ERAP2: variants seen among roughly 807,000 people sequenced by gnomAD.
ERAP2 encodes leukocyte-derived arginine aminopeptidase.
In ERAP2, 118 loss-of-function variants were observed where a neutral mutation model predicts 111.1. That is an observed-to-expected ratio of 1.06 (90% CI 0.92 to 1.24). The LOEUF is 1.24. Among genes scored for constraint, ERAP2 ranks in the 50% most tolerant of loss-of-function variants. ERAP2 has a pLI of 0.00. For synonymous variants in ERAP2, 410 were observed against 401.2 expected (o/e 1.02, Z -0.26); for missense variants, 1,131 against 1,125.8 (o/e 1.00, Z -0.07).
intron 13 of ERAP2, 22 bp from the exon 14 acceptor site, chr5:96,908,939 T>C: frequency 1.2e-6 from 2 of 1,604,534 alleles, no homozygotes; most frequent in East Asian, 2.2e-5. Context: ...CACAAACCAC[T>C]GACATTTGTT....
chr5:96,889,817 C>A (rs953906331), intron 5 of ERAP2, among the ~76,000 whole-genome samples: 1 of 129,282 alleles, frequency 7.7e-6, no homozygotes. Context: ...ATGGATTTTC[C>A]ATTAAAAAAT....
At chr5:96,876,143 G>T (rs747389930), upstream of ERAP2, 2 of 152,568 alleles carry the variant, frequency 1.3e-5, no homozygotes, top group Non-Finnish European at 2.9e-5. Flanking sequence ...AGATTTCATA[G>T]CACTGAGGAT....
At chr5:96,912,525 T>C in intron 15 of ERAP2, 112 bp from the exon 16 acceptor site, 1 of 637,752 alleles carries the variant, frequency 1.6e-6, no homozygotes, top group Non-Finnish European at 2.6e-6. Flanking sequence ...TTTAATACAT[T>C]GAGTACTGAA....
Position 96,912,808 on chromosome 5 carries a change from ATAATT to A in ERAP2, c.2516+14_2516+18del, listed in dbSNP as rs1167078517. On this transcript the variant is annotated intron_variant, in intron 16 of 18. Transcript: ENST00000437043. ...AGGAAAAGTTACTGAAGTAAGTTCA[ATAATT>A]TAACTAAATTGTTATAAGTAAACTG... The A allele has an allele frequency of 6.3e-7, 1 of 1,582,858 alleles. No individual in the cohort carries two copies. Among genetic ancestry groups the A allele is most frequent in the Non-Finnish European group, 8.5e-7 (1 of 1,170,464 alleles).
Position 96,892,348 on chromosome 5 carries a change from C to T in ERAP2, c.1020C>T (p.Gly340=), listed in dbSNP as rs1235698166. The change falls in exon 6 of 19, where the codon GGC becomes GGT. Residue 340 remains glycine (G), a synonymous_variant. Coordinates refer to ENST00000437043, the MANE Select transcript of ERAP2 (RefSeq NM_022350.5). The part of the protein sequence containing the change: ...DFAPGAMENW[G]LITYRETSLL... ...CACCTGGAGCCATGGAAAATTGGGG[C>T]CTCATTACATATAGGGAGACGTCAC... 2 of 1,613,782 alleles carry T rather than the reference C, an allele frequency of 1.2e-6. No individual in the cohort carries two copies. The highest frequency in any genetic ancestry group is 1.7e-6 in the Non-Finnish European group (2 of 1,179,900).
At chr5:96,912,544 A>C in intron 15 of ERAP2, 93 bp from the exon 16 acceptor site, 2 of 823,310 alleles carry the variant, frequency 2.4e-6, no homozygotes, top group Non-Finnish European at 3.8e-6. Context: ...AAAGCAGTTC[A>C]GAGATTATTG....
chr5:96,886,542 C>T (rs928144444), intron 3 of ERAP2, 113 bp from the exon 4 acceptor site: 6 of 858,684 alleles, frequency 7.0e-6, no homozygotes, highest in African/African-American at 5.2e-5. Context: ...AGGAGGTCAT[C>T]GATTGTCCTT....
chr5:96,911,242 G>A (rs887289914), intron 15 of ERAP2, among the ~76,000 whole-genome samples: 26 of 152,154 alleles, frequency 1.7e-4, no homozygotes, highest in African/African-American at 5.3e-4. Flanking sequence ...AAGAGGTATG[G>A]AGACTAGTAC....
chr5:96,915,653 CTA>C, intron 17 of ERAP2, 33 bp from the exon 18 acceptor site: 1 of 1,327,200 alleles, frequency 7.5e-7, no homozygotes, highest in Non-Finnish European at 1.0e-6. Context: ...GTCAGTATTT[CTA>C]TGACTTTCTA....
At chr5:96,898,572 C>CA (rs770783071) in intron 9 of ERAP2, among the ~76,000 whole-genome samples, 5,718 of 94,392 alleles carry the variant, frequency 0.061, 255 homozygotes, top group Middle Eastern at 0.15. Flanking sequence ...TACTAAAATA[C>CA]AAAAAAAAAA....
At position 96,916,614 on chromosome 5, in the gene ERAP2, C is replaced by T. The variant is rs190247412; in HGVS notation, c.2739+845C>T. 5.6e-3 allele frequency among the ~76,000 whole-genome samples: 855 copies of T among 151,772 alleles called. 6 individuals are homozygous for T. Among genetic ancestry groups the T allele is most frequent in the South Asian group, 0.026 (126 of 4,794 alleles). ...GAGTAGCTGGGACTACAGGAGGCTGCCACCATGCCCACCTAATTTTTTTGT... is the reference window on the plus strand; with the variant it reads ...GAGTAGCTGGGACTACAGGAGGCTGTCACCATGCCCACCTAATTTTTTTGT... On this transcript the variant is annotated intron_variant, in intron 18 of 18. Coordinates refer to ENST00000437043, the MANE Select transcript of ERAP2 (RefSeq NM_022350.5).
intron 1 of ERAP2, among the ~76,000 whole-genome samples, chr5:96,878,821 G>C (rs1309893017): frequency 6.6e-6 from 1 of 152,050 alleles, no homozygotes; most frequent in South Asian, 2.1e-4. Flanking sequence ...CCAGCTACTC[G>C]GGAGGCTGAG....
intron 8 of ERAP2, 98 bp from the exon 9 acceptor site, chr5:96,896,634 C>G: frequency 7.0e-7 from 1 of 1,425,380 alleles, no homozygotes; most frequent in South Asian, 1.4e-5. Flanking sequence ...ACTTTTCAGA[C>G]ATCACACATG....
rs757064973 is a variant in ERAP2 at position 96,883,861 on chromosome 5, G to A, written c.645G>A (p.Leu215=). Reference sequence around the variant, plus strand: ...CTTTCCCTTGCTTTGATGAACCGTTGTTCAAAGCCAACTTTTCAATCAAGA... The same window carrying A: ...CTTTCCCTTGCTTTGATGAACCGTTATTCAAAGCCAACTTTTCAATCAAGA... ...RMAFPCFDEP[L]FKANFSIKIR... The change falls in exon 3 of 19, where the codon TTG becomes TTA. Residue 215 remains leucine, a synonymous_variant. Coordinates refer to ENST00000437043, the MANE Select transcript of ERAP2 (RefSeq NM_022350.5). The A allele has an allele frequency of 1.1e-5, 18 of 1,613,842 alleles. No homozygotes were observed. The South Asian group carries it at 2.0e-4, about 18-fold the overall frequency.
chr5:96,896,412 A>C lies in ERAP2; in HGVS notation c.1279A>C (p.Lys427Gln), dbSNP rs141895686. The C allele has an allele frequency of 1.1e-5, 17 of 1,612,628 alleles. 1 individual carries two copies. The African/African-American group carries it at 2.1e-4, about 20-fold the overall frequency. Residue 427 changes from lysine to glutamine, a missense_variant, in exon 8 of 19, where the codon AAA becomes CAA. Physicochemically the swap from Lys to Gln is moderately conservative, Grantham distance 53. Coordinates refer to ENST00000437043, the MANE Select transcript of ERAP2 (RefSeq NM_022350.5). ...GAATGTGTGTTTTGAAGTAATTACAAAAGATTCATTGAATTCATCCCGCCC... is the reference window on the plus strand; with the variant it reads ...GAATGTGTGTTTTGAAGTAATTACACAAGATTCATTGAATTCATCCCGCCC... The part of the protein sequence containing the change: ...FLNVCFEVIT[K>Q]DSLNSSRPIS...
At chr5:96,878,821 G>A (rs1309893017) in intron 1 of ERAP2, among the ~76,000 whole-genome samples, 4 of 152,044 alleles carry the variant, frequency 2.6e-5, no homozygotes, top group Non-Finnish European at 5.9e-5. Context: ...CCAGCTACTC[G>A]GGAGGCTGAG....
At chr5:96,897,403 T>A (rs1297173707) in intron 9 of ERAP2, among the ~76,000 whole-genome samples, 1 of 152,238 alleles carries the variant, frequency 6.6e-6, no homozygotes, top group Non-Finnish European at 1.5e-5. Flanking sequence ...CCTTACAGAC[T>A]GTTCCAGCCC....
chr5:96,896,368 T>C lies in ERAP2; in HGVS notation c.1240-5T>C. 1 of 1,606,436 alleles carries C rather than the reference T, an allele frequency of 6.2e-7. No individual in the cohort carries two copies. Among genetic ancestry groups the C allele is most frequent in the Non-Finnish European group, 8.5e-7 (1 of 1,174,276 alleles). On this transcript the variant is annotated splice_region_variant and splice_polypyrimidine_tract_variant and intron_variant, in intron 7 of 18. Transcript: ENST00000437043. ...CTAAAACTAAACATTTTTCTCCCTG[T>C]TTAGGATGACTATTTTTTGAATGTG...
rs386358295 is a variant in ERAP2 at position 96,911,866 on chromosome 5, C to CAAAAAAAAA, written c.2355-764_2355-756dup. ...TGAACAACAGAGTAAGACCCTGTCTCAAAAAAAAAAAAAAAGAAAGAAAGA... is the reference window on the plus strand; with the variant it reads ...TGAACAACAGAGTAAGACCCTGTCTCAAAAAAAAAAAAAAAAAAAAAAAAGAAAGAAAGA... On this transcript the variant is annotated intron_variant, in intron 15 of 18. Coordinates refer to ENST00000437043, the MANE Select transcript of ERAP2 (RefSeq NM_022350.5). Among the ~76,000 whole-genome samples, 101 of 56,546 alleles carry CAAAAAAAAA rather than the reference C, an allele frequency of 1.8e-3. 1 individual carries two copies. Among genetic ancestry groups the CAAAAAAAAA allele is most frequent in the South Asian group, 0.012 (16 of 1,366 alleles). 37.1% of individuals were successfully genotyped at this position (56,546 alleles called of 152,430 possible).
Sources: gnomAD v4.1 joint callset for allele counts (sites outside exome capture counted in the v4.1 genomes callset) on GRCh38, gnomAD v4.1.1 for gene constraint, MANE v1.5 for transcripts, NCBI Gene and HGNC (gene_info 2026-07-23, HGNC 2026-07-21) for gene names.